NHSL1: variants seen among roughly 807,000 people sequenced by gnomAD.
NHSL1 encodes the protein NHS like 1, also known as NHS-like protein 1.
In NHSL1, 48 loss-of-function variants were observed where a neutral mutation model predicts 95.0. The observed-to-expected ratio is 0.51, with a 90% confidence interval of 0.40 to 0.64. The LOEUF is 0.64. NHSL1 is among the 30% of genes least tolerant of loss of function. NHSL1 has a pLI of 0.00. For missense variants in NHSL1, 1,971 were observed against 2,077.7 expected, an observed-to-expected ratio of 0.95 and a Z score of 1.00; for synonymous variants, 783 against 833.9, an observed-to-expected ratio of 0.94 and a Z score of 1.05.
At chr6:138,481,540 G>GT (rs1158418389) in intron 2 of NHSL1, among the ~76,000 whole-genome samples, 1 of 152,168 alleles carries the variant, frequency 6.6e-6, no homozygotes, top group African/African-American at 2.4e-5. Flanking sequence ...AAGTCACTCA[G>GT]TTGTGTGTAG....
chr6:138,571,153 GAAA>G (rs927336331), intron 1 of NHSL1, among the ~76,000 whole-genome samples: 1 of 149,012 alleles, frequency 6.7e-6, no homozygotes, highest in Non-Finnish European at 1.5e-5. Context: ...AAAGGAGAAA[GAAA>G]AAAAAAATCC....
chr6:138,657,543 G>A (rs1170200537), intron 1 of NHSL1, among the ~76,000 whole-genome samples: 2 of 152,088 alleles, frequency 1.3e-5, no homozygotes, highest in Non-Finnish European at 2.9e-5. Flanking sequence ...GCTGGGCGCG[G>A]TGGCTCATGC....
upstream of NHSL1, among the ~76,000 whole-genome samples, chr6:138,546,415 A>AC (rs1432316102): frequency 8.0e-6 from 1 of 124,758 alleles, no homozygotes; most frequent in Non-Finnish European, 1.6e-5. Flanking sequence ...ACACAGTGAG[A>AC]CCCCATCTCT....
At chr6:138,478,342 CTAAGA>C (rs1779216425) in intron 2 of NHSL1, among the ~76,000 whole-genome samples, 1 of 152,054 alleles carries the variant, frequency 6.6e-6, no homozygotes, top group Non-Finnish European at 1.5e-5. Context: ...TGATGCTGAT[CTAAGA>C]TAAGACTAGA....
intron 1 of NHSL1, among the ~76,000 whole-genome samples, chr6:138,637,776 A>G (rs1784906361): frequency 6.6e-6 from 1 of 152,206 alleles, no homozygotes; most frequent in Admixed American, 6.5e-5. Flanking sequence ...TACAGTTAGT[A>G]GGAATGTAAA....
At chr6:138,488,244 C>T (rs1282221179) in intron 2 of NHSL1, among the ~76,000 whole-genome samples, 2 of 151,970 alleles carry the variant, frequency 1.3e-5, no homozygotes, top group Non-Finnish European at 2.9e-5. Flanking sequence ...CACCACTGCA[C>T]TCCAGCCTGG....
At chr6:138,492,126 C>T (rs1248548321) in intron 2 of NHSL1, among the ~76,000 whole-genome samples, 1 of 152,302 alleles carries the variant, frequency 6.6e-6, no homozygotes, top group Admixed American at 6.5e-5. Context: ...CTGCTATATT[C>T]GGATCAGAGT....
In NHSL1 at chr6:138,431,830, G is replaced by C; in HGVS notation, c.2515C>G (p.Pro839Ala). ...GAAATGACTCTGTGTGACTTCTCTG[G>C]TGACATGATCTTTGGTTTGACTGAA... The part of the protein sequence containing the change: ...GGSVKPKIMS[P>A]EKSHRVISPS... Residue 839 changes from proline (P) to alanine (A), a missense_variant, in exon 6 of 8, where the codon CCA becomes GCA. Physicochemically the swap from Pro to Ala is conservative, Grantham distance 27 (BLOSUM62 -1). Coordinates refer to ENST00000343505, the MANE Select transcript of NHSL1 (RefSeq NM_001144060.2). This position sits in a 1 kb window ranked among gnomAD's most constrained non-coding sequence, Gnocchi z 4.0. 3 of 1,551,680 alleles carry C rather than the reference G, an allele frequency of 1.9e-6. No individual in the cohort carries two copies. Among genetic ancestry groups the C allele is most frequent in the Non-Finnish European group, 2.6e-6 (3 of 1,146,980 alleles).
chr6:138,680,877 A>G (rs1785503602), intron 1 of NHSL1, among the ~76,000 whole-genome samples: 1 of 152,178 alleles, frequency 6.6e-6, no homozygotes, highest in African/African-American at 2.4e-5. Context: ...TCAGCCTCCC[A>G]AAGTGTTGGG....
intron 1 of NHSL1, among the ~76,000 whole-genome samples, chr6:138,666,783 T>C (rs1362163373): frequency 6.6e-6 from 1 of 152,084 alleles, no homozygotes; most frequent in Non-Finnish European, 1.5e-5. Context: ...ACACAGAATG[T>C]GAGGATGGAC....
Position 138,508,878 on chromosome 6 carries a change from C to A in NHSL1, c.17-12507G>T, listed in dbSNP as rs541756130. ...AAAAAATAATTTCATTAACTGTAAC[C>A]TCTTATACTTGAACCAATTATTCTT... On this transcript the variant is annotated intron_variant, in intron 1 of 4. Coordinates refer to the NHSL1 transcript ENST00000342260. 5.3e-5 allele frequency among the ~76,000 whole-genome samples: 8 copies of A among 152,304 alleles called. No homozygotes were observed. The South Asian group carries it at 1.2e-3, about 24-fold the overall frequency.
intron 1 of NHSL1, among the ~76,000 whole-genome samples, chr6:138,654,513 T>C (rs1785131741): frequency 6.6e-6 from 1 of 152,240 alleles, no homozygotes; most frequent in South Asian, 2.1e-4. Context: ...GGTACAATCA[T>C]ATTTTTTAAA....
At chr6:138,688,171 C>T (rs901653957) in intron 1 of NHSL1, among the ~76,000 whole-genome samples, 2 of 151,992 alleles carry the variant, frequency 1.3e-5, no homozygotes, top group Admixed American at 6.6e-5. Context: ...AGGCTGGTCT[C>T]GAACTCCTGG....
chr6:138,456,990 T>A (rs1217756397), intron 3 of NHSL1, among the ~76,000 whole-genome samples: 1 of 151,846 alleles, frequency 6.6e-6, no homozygotes, highest in African/African-American at 2.4e-5. Flanking sequence ...TTCAAGCAAT[T>A]CTCCTGCCTC....
intron 1 of NHSL1, among the ~76,000 whole-genome samples, chr6:138,672,398 C>T (rs1169720974): frequency 2.0e-5 from 3 of 152,104 alleles, no homozygotes; most frequent in Non-Finnish European, 4.4e-5. Flanking sequence ...CATAGTTATT[C>T]CTCTGACCGC....
In NHSL1 at chr6:138,430,462, C is replaced by T. The variant is rs1775559072; in HGVS notation, c.3883G>A (p.Glu1295Lys). 2 of 1,549,298 alleles carry T rather than the reference C, an allele frequency of 1.3e-6. No homozygotes were observed. Among genetic ancestry groups the T allele is most frequent in the East Asian group, 4.9e-5 (2 of 40,864 alleles). ...GTATCCGCACTGTTCTCGGCTGGCT[C>T]CTCCTGCTTGGGGGCTGGTGAGACA... Reference protein sequence around the residue: ...PDVSPAPKQEEPAENSADTGG... With the variant: ...PDVSPAPKQEKPAENSADTGG... Residue 1295 changes from glutamate to lysine, a missense_variant, in exon 6 of 8, where the codon GAG becomes AAG. Transcript: ENST00000343505. The surrounding 1 kb of genome is among the most constrained non-coding windows in gnomAD (Gnocchi z 4.7).
intron 1 of NHSL1, among the ~76,000 whole-genome samples, chr6:138,635,799 A>G (rs1784879656): frequency 6.6e-6 from 1 of 152,082 alleles, no homozygotes; most frequent in Non-Finnish European, 1.5e-5. Context: ...GCTAAATAAA[A>G]TACTAGCAAA....
exon 1 of NHSL1, chr6:138,572,202 AT>A: frequency 3.2e-6 from 1 of 309,580 alleles, no homozygotes. Context: ...TAAAAGTATA[AT>A]TTAAAAAATG....
chr6:138,539,610 C>T (rs947719296), intron 1 of NHSL1, among the ~76,000 whole-genome samples: 2 of 152,120 alleles, frequency 1.3e-5, no homozygotes, highest in African/African-American at 2.4e-5. Flanking sequence ...ACATGAAAAT[C>T]AGCAAATAAA....
Sources: allele counts gnomAD v4.1 joint callset (sites outside exome capture counted in the v4.1 genomes callset), GRCh38; gene constraint gnomAD v4.1.1; non-coding constraint Gnocchi (gnomAD v3.1); transcripts MANE v1.5; gene names NCBI Gene and HGNC (gene_info 2026-07-23, HGNC 2026-07-21).